The following MGRN1 variants were observed in gnomAD, a reference collection of about 807,000 sequenced individuals.
The protein encoded by MGRN1 is mahogunin ring finger 1.
A neutral mutation model predicts 69.2 loss-of-function variants in MGRN1; 29 were observed. The observed-to-expected ratio is 0.42, with a 90% CI of 0.31 to 0.57. The LOEUF (loss-of-function observed/expected upper bound fraction) is 0.57, where lower values mean the gene tolerates loss of function less well. Among genes scored for constraint, MGRN1 ranks in the 20% least tolerant of loss-of-function variants. The probability of loss-of-function intolerance (pLI) is 0.15; values close to 1 mark genes in which losing one functional copy is unlikely to be tolerated. For synonymous variants in MGRN1, 470 were observed against 344.2 expected, an observed-to-expected ratio of 1.37 and a Z score of -4.04; for missense variants, 998 against 796.2, an observed-to-expected ratio of 1.25 and a Z score of -3.05.
chr16:4,678,387 A>C (rs972777459), intron 11 of MGRN1, among the ~76,000 whole-genome samples: 1 of 152,236 alleles, frequency 6.6e-6, no homozygotes. Flanking sequence ...AGGTGGAGAG[A>C]CACAGGGAGA....
chr16:4,680,836 G>A (rs147329457), intron 12 of MGRN1, among the ~76,000 whole-genome samples: 14 of 151,976 alleles, frequency 9.2e-5, no homozygotes, highest in Admixed American at 2.0e-4. Flanking sequence ...CAGGCATCCC[G>A]CACCCATCTC....
intron 16 of MGRN1, chr16:4,686,189 G>C: frequency 6.6e-7 from 1 of 1,521,194 alleles, no homozygotes; most frequent in Non-Finnish European, 8.8e-7. Flanking sequence ...TGGTGCCCTT[G>C]CTGTGGCTGT....
intron 1 of MGRN1, chr16:4,634,678 G>C (rs931877150): frequency 6.6e-6 from 1 of 152,508 alleles, no homozygotes; most frequent in African/African-American, 2.4e-5. Flanking sequence ...TGTTGGAGGG[G>C]TCCCTGGATC....
Position 4,680,179 on chromosome 16 carries a change from G to A in MGRN1, c.1131+82G>A, listed in dbSNP as rs142693234. ...ACGACAAGTAGGGGAGATCGTTTCC[G>A]CCCCAGGCTAGTGTCTGATTCATAT... is the stretch of plus-strand genomic sequence containing the variant. On this transcript the variant is annotated intron_variant, in intron 12 of 16. Coordinates refer to ENST00000262370, the MANE Select transcript of MGRN1 (RefSeq NM_015246.4). 50 of 1,374,816 alleles carry A rather than the reference G, an allele frequency of 3.6e-5. No homozygotes were observed. In the African/African-American group the frequency reaches 4.2e-4, roughly 11 times the overall value. The allele number at this position is 1,374,816 out of a possible 1,614,324, so 85.2% of individuals were successfully genotyped here. A position where few individuals can be genotyped will look rare whatever the true frequency, so the allele number is the denominator to read the frequency against.
chr16:4,649,883 G>C (rs2078362447), intron 1 of MGRN1: 1 of 154,832 alleles, frequency 6.5e-6, no homozygotes, highest in Non-Finnish European at 1.4e-5. Flanking sequence ...AGGTGGCCGA[G>C]GCAGAGGGTA....
At position 4,672,381 on chromosome 16, in the gene MGRN1, G is replaced by A. The variant is rs60691174; in HGVS notation, c.795+922G>A. 8.0e-4 allele frequency: 367 copies of A among 456,722 alleles called. 2 individuals carry two copies. Among genetic ancestry groups the A allele is most frequent in the African/African-American group, 6.8e-3 (339 of 50,188 alleles). The allele number at this position is 456,722 out of a possible 1,614,324, so 28.3% of individuals were successfully genotyped here. A position where few individuals can be genotyped will look rare whatever the true frequency, so the allele number is the denominator to read the frequency against. The stretch of plus-strand genomic sequence containing the variant: ...TGTTAAAAGGCACACTGACATGAGT[G>A]AAACTCCTGCCTCTTAAGATCTCTT... On this transcript the variant is annotated intron_variant, in intron 9 of 16. Coordinates refer to ENST00000262370, the MANE Select transcript of MGRN1 (RefSeq NM_015246.4).
At chr16:4,629,644 C>G (rs1421849419) in intron 1 of MGRN1, among the ~76,000 whole-genome samples, 1 of 151,020 alleles carries the variant, frequency 6.6e-6, no homozygotes, top group African/African-American at 2.4e-5. Flanking sequence ...GAGGCTGAGG[C>G]AGGAGAATTG....
At chr16:4,628,385 CA>C (rs35474754) in intron 1 of MGRN1, among the ~76,000 whole-genome samples, 76,026 of 94,022 alleles carry the variant, frequency 0.81, 30,882 homozygotes, top group Middle Eastern at 0.95. Flanking sequence ...ACTCTGTCTC[CA>C]AAAAAAAAAA....
intron 16 of MGRN1, chr16:4,686,664 G>A: frequency 1.8e-6 from 2 of 1,103,084 alleles, no homozygotes; most frequent in Non-Finnish European, 2.2e-6. Context: ...GCAGGAGCTT[G>A]AGGGATGAGG....
chr16:4,664,799 C>T (rs1487268459), intron 6 of MGRN1, 24 bp downstream of exon 6: 1 of 1,613,628 alleles, frequency 6.2e-7, no homozygotes, highest in South Asian at 1.1e-5. Context: ...CTTCCGTCCT[C>T]CTGGGCGTGC....
At chr16:4,686,952 G>A in intron 16 of MGRN1, 6 of 985,462 alleles carry the variant, frequency 6.1e-6, no homozygotes, top group Non-Finnish European at 7.2e-6. Flanking sequence ...GCCCTCTGGT[G>A]CCCAGGGGAG....
chr16:4,657,955 G>C (rs1156919361), intron 5 of MGRN1, among the ~76,000 whole-genome samples: 4 of 151,232 alleles, frequency 2.6e-5, no homozygotes, highest in African/African-American at 9.7e-5. Context: ...TGTTAGCCAG[G>C]ATGGTCTTGA....
At chr16:4,652,335 C>A (rs1454856904) in intron 3 of MGRN1, among the ~76,000 whole-genome samples, 1 of 152,076 alleles carries the variant, frequency 6.6e-6, no homozygotes. Flanking sequence ...AGGGGTGCTG[C>A]AGACTTCCTG....
At chr16:4,664,801 T>A in intron 6 of MGRN1, 26 bp downstream of exon 6, 1 of 1,613,368 alleles carries the variant, frequency 6.2e-7, no homozygotes, top group Non-Finnish European at 8.5e-7. Context: ...TCCGTCCTCC[T>A]GGGCGTGCAG....
chr16:4,674,587 TTTTCTTTTC>T (rs1567225720), intron 10 of MGRN1, among the ~76,000 whole-genome samples: 1 of 139,760 alleles, frequency 7.2e-6, no homozygotes, highest in African/African-American at 2.7e-5. Flanking sequence ...GCTTTTTTTT[TTTTCTTTTC>T]TTTTCTTTTT....
intron 16 of MGRN1, among the ~76,000 whole-genome samples, chr16:4,684,216 C>T (rs534732592): frequency 6.6e-6 from 1 of 152,368 alleles, no homozygotes; most frequent in East Asian, 1.9e-4. Context: ...GTGAGAGACG[C>T]GAGAGAGGCT....
intron 5 of MGRN1, among the ~76,000 whole-genome samples, chr16:4,662,772 G>C (rs2078711736): frequency 6.6e-6 from 1 of 152,220 alleles, no homozygotes; most frequent in Non-Finnish European, 1.5e-5. Context: ...CACTTCACGG[G>C]GGGACAGCAG....
intron 1 of MGRN1, among the ~76,000 whole-genome samples, chr16:4,626,793 A>G (rs57369019): frequency 0.038 from 5,846 of 152,222 alleles, 360 homozygotes; most frequent in African/African-American, 0.13. Flanking sequence ...CCTCCCACTG[A>G]GCATCCATCG....
At chr16:4,625,137 C>T (rs983152471) in intron 1 of MGRN1, 89 bp downstream of exon 1, 2 of 1,200,948 alleles carry the variant, frequency 1.7e-6, no homozygotes, top group Non-Finnish European at 2.2e-6. Flanking sequence ...GGGCGGGGCG[C>T]CCTGCTCGGC....
Sources: gnomAD v4.1 joint callset for allele counts (sites outside exome capture counted in the v4.1 genomes callset) on GRCh38, gnomAD v4.1.1 for gene constraint, MANE v1.5 for transcripts, NCBI Gene and HGNC (gene_info 2026-07-23, HGNC 2026-07-21) for gene names.